Variants in DOCK3 observed in about 807,000 individuals in gnomAD.
The protein encoded by DOCK3 is dedicator of cytokinesis protein 3.
In DOCK3, 60 loss-of-function variants were observed where a neutral mutation model predicts 265.6. The observed-to-expected ratio is 0.23, with a 90% CI of 0.18 to 0.28. The LOEUF is 0.28. Among genes scored for constraint, DOCK3 ranks in the 10% least tolerant of loss-of-function variants. The pLI, the probability that DOCK3 is intolerant of heterozygous loss-of-function variation, is 1.00. For missense variants in DOCK3, 1,981 were observed against 2,594.3 expected (o/e 0.76, Z 5.14); for synonymous variants, 881 against 938.0 (o/e 0.94, Z 1.11).
intron 5 of DOCK3, among the ~76,000 whole-genome samples, chr3:50,948,665 G>T (rs1487669965): frequency 3.5e-5 from 5 of 144,028 alleles, no homozygotes; most frequent in Admixed American, 2.1e-4. Context: ...TTTTTCTTGA[G>T]ACCAAGTCTC....
chr3:50,787,663 G>A, intron 2 of DOCK3: 1 of 1,313,072 alleles, frequency 7.6e-7, no homozygotes, highest in African/African-American at 1.5e-5. Flanking sequence ...ACCTCTTGTA[G>A]TTCTGGGAGT....
At chr3:51,197,647 C>T (rs1288297145) in intron 12 of DOCK3, among the ~76,000 whole-genome samples, 1 of 152,124 alleles carries the variant, frequency 6.6e-6, no homozygotes. Flanking sequence ...ACTAGGTAGG[C>T]TCATGCTCAG....
intron 5 of DOCK3, among the ~76,000 whole-genome samples, chr3:50,972,865 C>CT (rs1289966483): frequency 2.1e-5 from 3 of 145,850 alleles, no homozygotes; most frequent in Admixed American, 1.4e-4. Flanking sequence ...GCTTTGTTCT[C>CT]TTTGCTCAGG....
intron 5 of DOCK3, among the ~76,000 whole-genome samples, chr3:50,948,805 G>A (rs2076513204): frequency 6.6e-6 from 1 of 152,004 alleles, no homozygotes; most frequent in African/African-American, 2.4e-5. Flanking sequence ...AAATGTGTAT[G>A]GAAAAAGTAA....
chr3:50,738,300 C>T (rs1447317259), intron 1 of DOCK3, among the ~76,000 whole-genome samples: 2 of 152,104 alleles, frequency 1.3e-5, no homozygotes, highest in Non-Finnish European at 2.9e-5. Context: ...AGTTACCAGG[C>T]ACCAAACTGG....
intron 2 of DOCK3, among the ~76,000 whole-genome samples, chr3:50,785,303 C>T (rs1576427594): frequency 6.6e-6 from 1 of 152,112 alleles, no homozygotes; most frequent in African/African-American, 2.4e-5. Flanking sequence ...TTCGGATGTC[C>T]TTTATTTCTT....
chr3:51,380,148 G>A lies in DOCK3; in HGVS notation c.5524G>A (p.Ala1842Thr). The A allele has an allele frequency of 2.5e-6, 4 of 1,613,590 alleles. No homozygotes were observed. Among genetic ancestry groups the A allele is most frequent in the South Asian group, 1.1e-5 (1 of 91,016 alleles). ...AGGTCATTACTCCCTACACTTTGAC[G>A]CCTTCCACCACCCTCTGGGTGATAC... ...EKGHYSLHFD[A>T]FHHPLGDTPP... The change falls in exon 52 of 53, where the codon GCC becomes ACC. Residue 1842 changes from alanine (A) to threonine (T), a missense_variant. Around this residue, in one of 4 missense-constraint regions of DOCK3, gnomAD observed 1,357 missense variants for 1,866.8 expected, o/e 0.73. Transcript: ENST00000266037.
intron 3 of DOCK3, among the ~76,000 whole-genome samples, chr3:50,882,288 C>T (rs1250093834): frequency 6.6e-6 from 1 of 152,154 alleles, no homozygotes; most frequent in Non-Finnish European, 1.5e-5. Context: ...AACTAAAGAG[C>T]TTCTGCACAG....
intron 4 of DOCK3, among the ~76,000 whole-genome samples, chr3:50,905,966 G>T (rs1353996523): frequency 6.6e-6 from 1 of 151,984 alleles, no homozygotes; most frequent in African/African-American, 2.4e-5. Flanking sequence ...AGAGTTTTTA[G>T]CATGAAGGGC....
intron 10 of DOCK3, among the ~76,000 whole-genome samples, chr3:51,157,981 G>C (rs1171733254): frequency 6.6e-6 from 1 of 151,496 alleles, no homozygotes; most frequent in Non-Finnish European, 1.5e-5. Flanking sequence ...ACAGGCATCT[G>C]GGGTCAATCA....
intron 27 of DOCK3, among the ~76,000 whole-genome samples, chr3:51,297,808 A>T (rs2082176036): frequency 6.6e-6 from 1 of 151,092 alleles, no homozygotes; most frequent in Non-Finnish European, 1.5e-5. Flanking sequence ...TTTTTTAATT[A>T]GTTGAGTGTA....
At chr3:50,806,880 A>G (rs2043453667) in intron 2 of DOCK3, among the ~76,000 whole-genome samples, 1 of 152,084 alleles carries the variant, frequency 6.6e-6, no homozygotes, top group Non-Finnish European at 1.5e-5. Flanking sequence ...GGAGCAGTGC[A>G]GTTGCATGAA....
rs972331486 is a variant in DOCK3, at chr3:50,801,618, A to G, written c.121+22860A>G. 3.9e-5 allele frequency among the ~76,000 whole-genome samples: 6 copies of G among 152,218 alleles called. No homozygotes were observed. The East Asian group carries it at 1.2e-3, about 29-fold the overall frequency. On this transcript the variant is annotated intron_variant, in intron 2 of 52. Transcript: ENST00000266037. ...TTTGAGACTTGTTTTGTGTCCTAAC[A>G]TATAGTTAATCCTGGAGAATGTTCA...
At chr3:51,241,114 G>T (rs1216073298) in intron 21 of DOCK3, among the ~76,000 whole-genome samples, 1 of 152,140 alleles carries the variant, frequency 6.6e-6, no homozygotes, top group Non-Finnish European at 1.5e-5. Context: ...TTGTAAGGCA[G>T]GTCTGGTGGT....
rs750450726 is a variant in DOCK3, at chr3:51,160,571, C to T, written c.906C>T (p.Asn302=). ...GTGCCCAAGGCCGGATGCTCCTGAA[C>T]GACTCAAAGAAAGGTCCTCCTCACC... is the stretch of plus-strand genomic sequence containing the variant. The part of the protein sequence containing the change: ...HVIRIGRMLL[N]DSKKGPPHLH... Residue 302 remains asparagine (N), a synonymous_variant, in exon 12 of 53, where the codon AAC becomes AAT. Transcript: ENST00000266037. 5.0e-6 allele frequency: 8 copies of T among 1,611,372 alleles called. No homozygotes were observed. Among genetic ancestry groups the T allele is most frequent in the African/African-American group, 1.3e-5 (1 of 74,808 alleles).
intron 24 of DOCK3, among the ~76,000 whole-genome samples, chr3:51,272,316 G>A (rs1438527084): frequency 4.3e-5 from 6 of 140,080 alleles, no homozygotes; most frequent in African/African-American, 8.0e-5. Context: ...TCGCTCTGTT[G>A]CCCAGGCTAG....
At chr3:50,968,457 G>A (rs377644248) in intron 5 of DOCK3, among the ~76,000 whole-genome samples, 1 of 152,030 alleles carries the variant, frequency 6.6e-6, no homozygotes, top group African/African-American at 2.4e-5. Context: ...TACTCATAAG[G>A]CTTCATTTAT....
Position 50,928,606 on chromosome 3 carries a change from T to C in DOCK3, c.219-5375T>C, listed in dbSNP as rs9989957. On this transcript the variant is annotated intron_variant, in intron 4 of 52. Transcript: ENST00000266037. ...TTTGCAAGTTTCCTAGTTGATTCTA[T>C]TGCATATTATTGGTTCTTGTTTTAT... Among the ~76,000 whole-genome samples, 418 of 152,356 alleles carry C rather than the reference T, an allele frequency of 2.7e-3. 1 individual carries two copies. The highest frequency in any genetic ancestry group is 9.6e-3 in the African/African-American group (400 of 41,582).
intron 38 of DOCK3, among the ~76,000 whole-genome samples, chr3:51,345,710 T>A (rs2085519456): frequency 6.6e-6 from 1 of 152,206 alleles, no homozygotes; most frequent in African/African-American, 2.4e-5. Context: ...TCTTTTTAAT[T>A]GGTCCTGCAG....
Sources: gnomAD v4.1 joint callset for allele counts (sites outside exome capture counted in the v4.1 genomes callset) on GRCh38, gnomAD v4.1.1 for gene constraint, gnomAD v4.1.1 regional missense constraint, MANE v1.5 for transcripts, NCBI Gene and HGNC (gene_info 2026-07-23, HGNC 2026-07-21) for gene names.